SH3RF3: variants seen among roughly 807,000 people sequenced by gnomAD.
The protein encoded by SH3RF3 is SH3 domain containing ring finger 3, also known as E3 ubiquitin-protein ligase SH3RF3.
SH3RF3 carries 29 observed loss-of-function variants against 66.3 expected under a neutral mutation model. The observed-to-expected ratio is 0.44, with a 90% CI of 0.33 to 0.60. SH3RF3 has a LOEUF of 0.60. Ranked by LOEUF, SH3RF3 falls within the 20% of genes least tolerant of loss-of-function variation. The pLI is 0.04. For missense variants in SH3RF3, 1,194 were observed against 1,190.9 expected (o/e 1.00, Z -0.04); for synonymous variants, 583 against 532.0 (o/e 1.10, Z -1.32).
In SH3RF3 at chr2:109,501,841, T is replaced by G; in HGVS notation, c.*170T>G. The G allele has an allele frequency of 3.4e-6, 2 of 585,744 alleles. No homozygotes were observed. The highest frequency in any genetic ancestry group is 6.1e-6 in the Non-Finnish European group (2 of 328,604). The allele number at this position is 585,744 out of a possible 1,614,324, so 36.3% of individuals were successfully genotyped here. ...GCCAGGGACTGTGGAGGTCGTGCCTTCTCCCAAAACCCCCAAACGGAGAGC... is the reference window on the plus strand; with the variant it reads ...GCCAGGGACTGTGGAGGTCGTGCCTGCTCCCAAAACCCCCAAACGGAGAGC... On this transcript the variant is annotated 3_prime_UTR_variant, in exon 10 of 10. Transcript: ENST00000309415.
intron 8 of SH3RF3, among the ~76,000 whole-genome samples, chr2:109,458,532 A>G (rs1267852380): frequency 2.1e-5 from 3 of 145,576 alleles, no homozygotes; most frequent in Non-Finnish European, 4.5e-5. Flanking sequence ...ATTGGTTTGT[A>G]TCAGTCAGGG....
At chr2:109,213,102 A>G (rs1053127933) in intron 1 of SH3RF3, among the ~76,000 whole-genome samples, 8 of 152,214 alleles carry the variant, frequency 5.3e-5, no homozygotes, top group South Asian at 2.1e-4. Context: ...AAGCAGTTGC[A>G]TCACTTTGGG....
At position 109,220,070 on chromosome 2, in the gene SH3RF3, G is replaced by T. The variant is rs372267687; in HGVS notation, c.573+89957G>T. On this transcript the variant is annotated intron_variant, in intron 1 of 9. Transcript: ENST00000309415. ...TCAAAACTATGTTATTAGCATAAGG[G>T]ATAGATATATAAACCAATGGAATAC... Among the ~76,000 whole-genome samples the T allele has an allele frequency of 1.6e-4, 24 of 152,308 alleles. No homozygotes were observed. The South Asian group carries it at 5.0e-3, about 32-fold the overall frequency.
intron 5 of SH3RF3, among the ~76,000 whole-genome samples, chr2:109,420,715 G>T (rs529578222): frequency 6.6e-6 from 1 of 152,256 alleles, no homozygotes; most frequent in African/African-American, 2.4e-5. Context: ...TAAATGCTGG[G>T]ATTACAGGCA....
At chr2:109,278,697 A>T (rs933236659) in intron 1 of SH3RF3, among the ~76,000 whole-genome samples, 2 of 152,220 alleles carry the variant, frequency 1.3e-5, no homozygotes, top group African/African-American at 4.8e-5. Flanking sequence ...TCTTTGGACC[A>T]GCAGCTTCCA....
At chr2:109,349,984 C>T (rs1416481261) in intron 2 of SH3RF3, among the ~76,000 whole-genome samples, 5 of 152,196 alleles carry the variant, frequency 3.3e-5, no homozygotes, top group Non-Finnish European at 1.5e-5. Flanking sequence ...AGCCCAGAGT[C>T]AGGTGCGGGA....
At chr2:109,489,971 C>G (rs867271413) in intron 8 of SH3RF3, among the ~76,000 whole-genome samples, 7 of 152,324 alleles carry the variant, frequency 4.6e-5, no homozygotes, top group Middle Eastern at 3.4e-3. Context: ...CTCCTGACCT[C>G]AAGTGATCTG....
intron 1 of SH3RF3, among the ~76,000 whole-genome samples, chr2:109,256,784 G>C (rs947376733): frequency 6.6e-6 from 1 of 152,234 alleles, no homozygotes; most frequent in African/African-American, 2.4e-5. Context: ...AAACAGTGAA[G>C]TGGGATTTTT....
At chr2:109,407,685 T>C (rs949158145) in intron 4 of SH3RF3, among the ~76,000 whole-genome samples, 1 of 152,176 alleles carries the variant, frequency 6.6e-6, no homozygotes, top group African/African-American at 2.4e-5. Context: ...CAGAAAGTTA[T>C]AAATTTAATT....
intron 3 of SH3RF3, among the ~76,000 whole-genome samples, chr2:109,391,100 A>G (rs1244820989): frequency 6.6e-6 from 1 of 152,162 alleles, no homozygotes; most frequent in Non-Finnish European, 1.5e-5. Context: ...CTGAAATGAA[A>G]ACCATTCGCT....
intron 3 of SH3RF3, among the ~76,000 whole-genome samples, chr2:109,396,068 C>A (rs1227129534): frequency 6.6e-6 from 1 of 152,152 alleles, no homozygotes; most frequent in African/African-American, 2.4e-5. Context: ...TGCTCCGATG[C>A]CAGTGAGTGA....
At chr2:109,373,947 GCTCTCTGTCAT>G (rs1683329208) in intron 3 of SH3RF3, among the ~76,000 whole-genome samples, 1 of 152,108 alleles carries the variant, frequency 6.6e-6, no homozygotes, top group Non-Finnish European at 1.5e-5. Context: ...AGTCCAGCAG[GCTCTCTGTCAT>G]CTCTTCCTGG....
At chr2:109,221,220 CTT>C (rs1218104869) in intron 1 of SH3RF3, among the ~76,000 whole-genome samples, 16 of 152,216 alleles carry the variant, frequency 1.1e-4, no homozygotes, top group Admixed American at 1.0e-3. Flanking sequence ...GTCAGCCTCT[CTT>C]AATTTTTTTC....
chr2:109,504,630 G>A lies in SH3RF3; in HGVS notation c.*2959G>A, dbSNP rs1303542165. The A allele has an allele frequency of 1.3e-5, 2 of 152,232 alleles. No homozygotes were observed. The highest frequency in any genetic ancestry group is 2.9e-5 in the Non-Finnish European group (2 of 68,050). The allele number at this position is 152,232 out of a possible 1,614,324, so 9.4% of individuals were successfully genotyped here. ...GAGTCTTTAAATAAAAATGAACATG[G>A]AGAAGGCTTGTGTCTACGTGTTGGG... On this transcript the variant is annotated 3_prime_UTR_variant, in exon 10 of 10. Transcript: ENST00000309415.
chr2:109,241,252 G>C (rs1279789253), intron 1 of SH3RF3, among the ~76,000 whole-genome samples: 1 of 75,738 alleles, frequency 1.3e-5, no homozygotes, highest in Non-Finnish European at 2.3e-5. Flanking sequence ...TCCAGCCTAA[G>C]AATATAACAA....
intron 8 of SH3RF3, among the ~76,000 whole-genome samples, chr2:109,457,906 G>A (rs1288127834): frequency 1.3e-5 from 2 of 152,182 alleles, no homozygotes; most frequent in East Asian, 1.9e-4. Flanking sequence ...GCATGGCGGG[G>A]CATCTCTGAA....
chr2:109,451,690 T>A (rs142096636), intron 8 of SH3RF3, among the ~76,000 whole-genome samples: 5 of 152,380 alleles, frequency 3.3e-5, no homozygotes, highest in African/African-American at 1.2e-4. Context: ...CTCTAACAGT[T>A]GTGCTATATC....
intron 3 of SH3RF3, among the ~76,000 whole-genome samples, chr2:109,372,899 G>A (rs1462333451): frequency 6.6e-6 from 1 of 152,220 alleles, no homozygotes; most frequent in Non-Finnish European, 1.5e-5. Flanking sequence ...AAAGATGTTT[G>A]TTTAAAACAT....
At chr2:109,231,296 G>C (rs530076716) in intron 1 of SH3RF3, among the ~76,000 whole-genome samples, 34 of 152,392 alleles carry the variant, frequency 2.2e-4, no homozygotes, top group African/African-American at 8.2e-4. Flanking sequence ...GGATGTGGGA[G>C]AGGTGAGCTA....
Sources: allele counts gnomAD v4.1 joint callset (sites outside exome capture counted in the v4.1 genomes callset), GRCh38; gene constraint gnomAD v4.1.1; transcripts MANE v1.5; gene names NCBI Gene and HGNC (gene_info 2026-07-23, HGNC 2026-07-21).